TMEM87A: variants seen among roughly 807,000 people sequenced by gnomAD.
TMEM87A encodes the protein Golgi-pH regulating cation channel.
A neutral mutation model predicts 90.0 loss-of-function variants in TMEM87A; 50 were observed. That is an observed-to-expected ratio of 0.56 (90% CI 0.44 to 0.70). TMEM87A has a LOEUF of 0.70. Among genes scored for constraint, TMEM87A ranks in the 30% least tolerant of loss-of-function variants. The probability of loss-of-function intolerance (pLI) is 0.00; values close to 1 mark genes in which losing one functional copy is unlikely to be tolerated. For missense variants in TMEM87A, 577 were observed against 660.5 expected (o/e 0.87, Z 1.39); for synonymous variants, 226 against 226.7 (o/e 1.00, Z 0.03).
intron 7 of TMEM87A, among the ~76,000 whole-genome samples, chr15:42,241,591 G>A (rs1356083156): frequency 1.3e-5 from 2 of 152,086 alleles, no homozygotes; most frequent in Admixed American, 1.3e-4. Context: ...ATAGGCAATG[G>A]GGAGCCATCC....
intron 15 of TMEM87A, among the ~76,000 whole-genome samples, chr15:42,220,385 ATC>A (rs1357263135): frequency 6.6e-6 from 1 of 152,162 alleles, no homozygotes; most frequent in Admixed American, 6.5e-5. Flanking sequence ...TAGTTACTTA[ATC>A]TCTCTGTACC....
chr15:42,211,885 A>C (rs964334024), intron 19 of TMEM87A, 136 bp from the exon 20 acceptor site: 2 of 830,134 alleles, frequency 2.4e-6, no homozygotes, highest in African/African-American at 1.7e-5. Context: ...AATGGTTCCT[A>C]AACATTTGTG....
intron 13 of TMEM87A, 138 bp downstream of exon 13, chr15:42,228,574 A>C (rs778254894): frequency 4.5e-6 from 3 of 663,004 alleles, no homozygotes; most frequent in Non-Finnish European, 7.9e-6. Flanking sequence ...GATCCTTCTG[A>C]GAATTTGACA....
chr15:42,227,382 C>T (rs1776560348), intron 14 of TMEM87A, among the ~76,000 whole-genome samples: 1 of 152,126 alleles, frequency 6.6e-6, no homozygotes, highest in Non-Finnish European at 1.5e-5. Flanking sequence ...GTATTATTTA[C>T]ACATATGGTA....
intron 13 of TMEM87A, 70 bp downstream of exon 13, chr15:42,228,642 C>G (rs1214719027): frequency 7.6e-7 from 1 of 1,312,752 alleles, no homozygotes; most frequent in African/African-American, 1.5e-5. Context: ...CCACCCATGG[C>G]CTTTCAGGTT....
At chr15:42,248,602 T>C (rs2051023413) in intron 6 of TMEM87A, among the ~76,000 whole-genome samples, 2 of 152,218 alleles carry the variant, frequency 1.3e-5, no homozygotes, top group Admixed American at 6.5e-5. Context: ...TTTGCATATG[T>C]TGAACCACCC....
At chr15:42,215,374 G>C (rs544976746) in intron 19 of TMEM87A, among the ~76,000 whole-genome samples, 1 of 152,292 alleles carries the variant, frequency 6.6e-6, no homozygotes, top group Non-Finnish European at 1.5e-5. Context: ...GGTGGCGGGC[G>C]CCTGTAGTCC....
intron 4 of TMEM87A, among the ~76,000 whole-genome samples, chr15:42,263,470 C>T (rs1231500530): frequency 6.6e-6 from 1 of 152,112 alleles, no homozygotes; most frequent in African/African-American, 2.4e-5. Flanking sequence ...TGGGGCTCAG[C>T]CCGGTGGCTC....
chr15:42,246,534 G>C (rs1345399258), intron 6 of TMEM87A, among the ~76,000 whole-genome samples: 1 of 152,102 alleles, frequency 6.6e-6, no homozygotes, highest in Non-Finnish European at 1.5e-5. Context: ...CTATGAGTGA[G>C]AACATGCAGT....
At chr15:42,241,164 A>G (rs1295391349) in intron 7 of TMEM87A, among the ~76,000 whole-genome samples, 4 of 152,336 alleles carry the variant, frequency 2.6e-5, no homozygotes, top group Admixed American at 2.6e-4. Context: ...TAAAATATAC[A>G]TTTACTAAGC....
At chr15:42,247,136 G>A (rs2050992556) in intron 6 of TMEM87A, among the ~76,000 whole-genome samples, 1 of 152,114 alleles carries the variant, frequency 6.6e-6, no homozygotes, top group Admixed American at 6.6e-5. Flanking sequence ...ACTTTTTGAT[G>A]GGGTTGATTT....
rs148922590 is a variant in TMEM87A, at chr15:42,242,402, G to T, written c.622+1648C>A. On this transcript the variant is annotated intron_variant, in intron 7 of 19. Transcript: ENST00000389834. ...AGGGTGGAATAAAGCTTCTCTTCCA[G>T]CCTTTTCAAAGAAAGAAGGTTGAAA... Among the ~76,000 whole-genome samples the T allele has an allele frequency of 1.2e-3, 183 of 152,278 alleles. 1 individual carries two copies. The Middle Eastern group carries it at 0.017, about 14-fold the overall frequency.
In TMEM87A at chr15:42,273,356, G is replaced by A. The variant is rs1566946017; in HGVS notation, c.43C>T (p.Leu15=). Reference sequence around the variant, plus strand: ...GGTGACGGGTGAGCTCCCAGAAGCAGAAGAATGACAGGCAACACCTGAAGC... The same window carrying A: ...GGTGACGGGTGAGCTCCCAGAAGCAAAAGAATGACAGGCAACACCTGAAGC... ...AWLQVLPVIL[L]LLGAHPSPLS... Residue 15 remains leucine, a synonymous_variant, in exon 1 of 20, where the codon CTG becomes TTG. Coordinates refer to ENST00000389834, the MANE Select transcript of TMEM87A (RefSeq NM_015497.5). 1.2e-6 allele frequency: 2 copies of A among 1,612,594 alleles called. No individual in the cohort carries two copies. The highest frequency in any genetic ancestry group is 1.1e-5 in the South Asian group (1 of 91,040).
At chr15:42,244,013 A>G in intron 7 of TMEM87A, 37 bp downstream of exon 7, 1 of 1,251,060 alleles carries the variant, frequency 8.0e-7, no homozygotes, top group Non-Finnish European at 1.1e-6. Context: ...ACATAACCAG[A>G]TAATAACATA....
chr15:42,258,671 C>T, intron 6 of TMEM87A: 1 of 1,117,218 alleles, frequency 9.0e-7, no homozygotes, highest in Non-Finnish European at 1.1e-6. Context: ...AAGTCATCTG[C>T]CCACCTTGGC....
chr15:42,218,379 C>T lies in TMEM87A; in HGVS notation c.1540-1G>A, dbSNP rs923695190. Reference sequence around the variant, plus strand: ...CTACCCACTTCAAATCATCTTCCTGCTGGGAACATACAAATACCACTCATT... The same window carrying T: ...CTACCCACTTCAAATCATCTTCCTGTTGGGAACATACAAATACCACTCATT... On this transcript the variant is annotated splice_acceptor_variant, in intron 17 of 19. Coordinates refer to ENST00000389834, the MANE Select transcript of TMEM87A (RefSeq NM_015497.5). LOFTEE classifies it high-confidence loss of function. The T allele has an allele frequency of 6.2e-7, 1 of 1,613,656 alleles. No homozygotes were observed. The highest frequency in any genetic ancestry group is 8.5e-7 in the Non-Finnish European group (1 of 1,179,734).
chr15:42,272,175 G>C, intron 1 of TMEM87A, 52 bp from the exon 2 acceptor site: 2 of 1,296,488 alleles, frequency 1.5e-6, no homozygotes, highest in East Asian at 2.3e-5. Context: ...AATTACCAAA[G>C]CATCATATAA....
chr15:42,230,106 C>T (rs2050662984), intron 12 of TMEM87A, among the ~76,000 whole-genome samples: 1 of 152,170 alleles, frequency 6.6e-6, no homozygotes, highest in African/African-American at 2.4e-5. Flanking sequence ...GGGTTACAGG[C>T]ATGAGCCACT....
chr15:42,244,623 A>G (rs1304768720), intron 6 of TMEM87A, among the ~76,000 whole-genome samples: 3 of 151,120 alleles, frequency 2.0e-5, no homozygotes, highest in African/African-American at 7.3e-5. Context: ...GCTTCCCAAG[A>G]ATATCAGAAT....
Sources: allele counts gnomAD v4.1 joint callset (sites outside exome capture counted in the v4.1 genomes callset), GRCh38; gene constraint gnomAD v4.1.1; transcripts MANE v1.5; gene names NCBI Gene and HGNC (gene_info 2026-07-23, HGNC 2026-07-21).